Variants in TRAM1 observed in about 807,000 individuals in gnomAD.
The protein encoded by TRAM1 is translocation associated membrane protein 1.
TRAM1 carries 17 observed loss-of-function variants against 48.7 expected under a neutral mutation model. That is an observed-to-expected ratio of 0.35 (90% CI 0.24 to 0.52). The LOEUF (loss-of-function observed/expected upper bound fraction) is 0.52, where lower values mean the gene tolerates loss of function less well. TRAM1 is among the 20% of genes least tolerant of loss of function. The pLI is 0.94. For missense variants in TRAM1, 351 were observed against 441.5 expected (o/e 0.79, Z 1.84); for synonymous variants, 182 against 154.0 (o/e 1.18, Z -1.34).
chr8:70,596,000 A>G (rs907258302), intron 5 of TRAM1, among the ~76,000 whole-genome samples: 3 of 152,168 alleles, frequency 2.0e-5, no homozygotes, highest in African/African-American at 7.2e-5. Flanking sequence ...AGTGAAAAGA[A>G]GGGAAAAGAA....
Position 70,598,006 on chromosome 8 carries a change from A to G in TRAM1, c.315T>C (p.Ile105=), listed in dbSNP as rs1427619265. ...TTTTGGAGAAGTGCATTCGCCTGTT[A>G]ATTTTCTAAAAATAAAAACAGCCAT... The part of the protein sequence containing the change: ...AVIQEYMLDK[I]NRRMHFSKTK... The change falls in exon 4 of 11, where the codon ATT becomes ATC. Residue 105 remains isoleucine (I), a synonymous_variant. Coordinates refer to ENST00000262213, the MANE Select transcript of TRAM1 (RefSeq NM_014294.6). The G allele has an allele frequency of 1.3e-6, 2 of 1,580,678 alleles. No individual in the cohort carries two copies. Among genetic ancestry groups the G allele is most frequent in the African/African-American group, 1.3e-5 (1 of 74,164 alleles).
chr8:70,594,123 T>G (rs1563387274), intron 6 of TRAM1, among the ~76,000 whole-genome samples: 1 of 152,212 alleles, frequency 6.6e-6, no homozygotes, highest in Non-Finnish European at 1.5e-5. Context: ...CTGTTAGTTG[T>G]AATGTGACTA....
chr8:70,601,683 C>T (rs138762757), intron 1 of TRAM1, among the ~76,000 whole-genome samples: 15 of 152,274 alleles, frequency 9.9e-5, no homozygotes, highest in African/African-American at 3.4e-4. Flanking sequence ...GAAACTTCTG[C>T]AAGAGACCAC....
chr8:70,588,269 G>GATT (rs1817269084), intron 6 of TRAM1, among the ~76,000 whole-genome samples: 2 of 151,998 alleles, frequency 1.3e-5, no homozygotes, highest in African/African-American at 4.8e-5. Flanking sequence ...GGTCACACCA[G>GATT]CATCTTTTAA....
intron 8 of TRAM1, among the ~76,000 whole-genome samples, chr8:70,586,690 C>T (rs1423887689): frequency 2.0e-5 from 3 of 152,116 alleles, no homozygotes; most frequent in African/African-American, 7.2e-5. Flanking sequence ...TTGCAAGATA[C>T]AATACAGTAT....
intron 10 of TRAM1, among the ~76,000 whole-genome samples, chr8:70,575,307 CTT>C (rs1177909547): frequency 6.6e-6 from 1 of 152,278 alleles, no homozygotes; most frequent in East Asian, 1.9e-4. Context: ...AATAAAGAAA[CTT>C]TTCACATTTG....
chr8:70,601,694 A>G (rs1817610386), intron 1 of TRAM1, among the ~76,000 whole-genome samples: 2 of 152,264 alleles, frequency 1.3e-5, no homozygotes, highest in Admixed American at 1.3e-4. Context: ...AAGAGACCAC[A>G]TGAAAGATAA....
intron 8 of TRAM1, among the ~76,000 whole-genome samples, chr8:70,585,325 A>G (rs1280780696): frequency 2.0e-5 from 3 of 152,158 alleles, no homozygotes; most frequent in Non-Finnish European, 2.9e-5. Flanking sequence ...TAAAAACCCT[A>G]GAAGAAAACC....
Position 70,574,232 on chromosome 8 carries a change from A to G in TRAM1, c.*700T>C, listed in dbSNP as rs893203626. The G allele has an allele frequency of 4.8e-6, 2 of 412,720 alleles. No homozygotes were observed. The highest frequency in any genetic ancestry group is 9.3e-6 in the Non-Finnish European group (2 of 213,922). The allele number at this position is 412,720 out of a possible 1,614,324, so 25.6% of individuals were successfully genotyped here. On this transcript the variant is annotated 3_prime_UTR_variant, in exon 11 of 11. Coordinates refer to ENST00000262213, the MANE Select transcript of TRAM1 (RefSeq NM_014294.6). ...GTAAATATTTTCTGATTTCCAGTTT[A>G]CAAGTATTGAAAATGCACAAGAAAG...
intron 8 of TRAM1, among the ~76,000 whole-genome samples, chr8:70,584,741 C>T (rs1315408144): frequency 2.0e-5 from 3 of 152,012 alleles, no homozygotes; most frequent in African/African-American, 7.3e-5. Flanking sequence ...AGGACCTCTT[C>T]AAGGAGAACT....
In TRAM1 at chr8:70,581,655, C is replaced by T. The variant is rs538014875; in HGVS notation, c.1051+1509G>A. Reference sequence around the variant, plus strand: ...AAACACATGTTTGAACAAAAACTTGCACCTAAATGTTCACAGCATCACGAT... The same window carrying T: ...AAACACATGTTTGAACAAAAACTTGTACCTAAATGTTCACAGCATCACGAT... On this transcript the variant is annotated intron_variant, in intron 10 of 10. Transcript: ENST00000262213. Among the ~76,000 whole-genome samples the T allele has an allele frequency of 6.6e-5, 10 of 152,314 alleles. No homozygotes were observed. The South Asian group carries it at 1.9e-3, about 28-fold the overall frequency.
At chr8:70,606,808 A>T in intron 1 of TRAM1, 2 of 815,264 alleles carry the variant, frequency 2.5e-6, no homozygotes, top group Non-Finnish European at 1.5e-6. Flanking sequence ...AAATAAGGTT[A>T]AAATATTATT....
chr8:70,583,152 C>T lies in TRAM1; in HGVS notation c.1051+12G>A, dbSNP rs1460028306. 2.5e-6 allele frequency: 4 copies of T among 1,601,886 alleles called. No homozygotes were observed. Among genetic ancestry groups the T allele is most frequent in the South Asian group, 1.1e-5 (1 of 87,828 alleles). ...ACTTCCATGAGTTTTTCATTGCTTA[C>T]TGAATACAAACCTGTTCCTTTTTTA... On this transcript the variant is annotated intron_variant, in intron 10 of 10. Coordinates refer to ENST00000262213, the MANE Select transcript of TRAM1 (RefSeq NM_014294.6).
At chr8:70,598,098 T>G (rs1817530541) in intron 3 of TRAM1, 36 bp downstream of exon 3, 1 of 1,592,014 alleles carries the variant, frequency 6.3e-7, no homozygotes, top group Non-Finnish European at 8.6e-7. Flanking sequence ...GAGCTAGTAC[T>G]TTATAAAGTA....
chr8:70,593,224 G>GT (rs965650005), intron 6 of TRAM1, among the ~76,000 whole-genome samples: 6 of 151,980 alleles, frequency 3.9e-5, no homozygotes, highest in Non-Finnish European at 7.4e-5. Context: ...GACAACATGA[G>GT]TAACGACAGA....
intron 1 of TRAM1, among the ~76,000 whole-genome samples, chr8:70,605,282 A>G (rs184668544): frequency 6.6e-6 from 1 of 152,318 alleles, no homozygotes; most frequent in East Asian, 1.9e-4. Flanking sequence ...GAGTAACCCA[A>G]TAAGCCCCAT....
At chr8:70,589,303 T>C (rs1286694018) in intron 6 of TRAM1, among the ~76,000 whole-genome samples, 1 of 152,142 alleles carries the variant, frequency 6.6e-6, no homozygotes, top group African/African-American at 2.4e-5. Context: ...TCCAATGAAA[T>C]ATTTCAGCTT....
rs201132247 is a variant in TRAM1, at chr8:70,608,174, T to C, written c.26A>G (p.Lys9Arg). The C allele has an allele frequency of 5.5e-5, 87 of 1,590,416 alleles. No individual in the cohort carries two copies. Among genetic ancestry groups the C allele is most frequent in the Non-Finnish European group, 6.7e-5 (78 of 1,170,054 alleles). The part of the protein sequence containing the change: MAIRKKST[K>R]SPPVLSHEFV... ...TTCGTGGCTCAGCACTGGGGGGCTCTTGGTGCTTTTCTTGCGAATCGCCAT... is the reference window on the plus strand; with the variant it reads ...TTCGTGGCTCAGCACTGGGGGGCTCCTGGTGCTTTTCTTGCGAATCGCCAT... The change falls in exon 1 of 11, where the codon AAG becomes AGG. Residue 9 changes from lysine (K) to arginine (R), a missense_variant. Physicochemically the swap from Lys to Arg is conservative, Grantham distance 26. Transcript: ENST00000262213.
At chr8:70,575,267 A>C (rs1816921928) in intron 10 of TRAM1, among the ~76,000 whole-genome samples, 1 of 152,272 alleles carries the variant, frequency 6.6e-6, no homozygotes, top group Admixed American at 6.5e-5. Context: ...GAATTTAAAA[A>C]TAGTATTCAA....
Sources: gnomAD v4.1 joint callset for allele counts (sites outside exome capture counted in the v4.1 genomes callset) on GRCh38, gnomAD v4.1.1 for gene constraint, MANE v1.5 for transcripts, NCBI Gene and HGNC (gene_info 2026-07-23, HGNC 2026-07-21) for gene names.